The following NAP1L4 variants were observed in gnomAD, a reference collection of about 807,000 sequenced individuals.
NAP1L4 encodes the protein nucleosome assembly protein 1 like 4.
In NAP1L4, 15 loss-of-function variants were observed where a neutral mutation model predicts 58.2. The ratio of observed to expected loss-of-function variants is 0.26; its 90% CI spans 0.17 to 0.40. The LOEUF (loss-of-function observed/expected upper bound fraction) is 0.40, where lower values mean the gene tolerates loss of function less well. Among genes scored for constraint, NAP1L4 ranks in the 10% least tolerant of loss-of-function variants. The pLI is 1.00. For missense variants in NAP1L4, 384 were observed against 451.1 expected (o/e 0.85, Z 1.35); for synonymous variants, 171 against 155.6 (o/e 1.10, Z -0.74).
Position 2,969,911 on chromosome 11 carries a change from G to T in NAP1L4, c.426C>A (p.Val142=). The change falls in exon 7 of 16, where the codon GTC becomes GTA. Residue 142 remains valine (V), a synonymous_variant. Transcript: ENST00000380542. ...CCGTTGCCGCTGCTTTTTCTGTGAC[G>T]ACTACTTTACTTTTCATGTCTCCCT... The part of the protein sequence containing the change: ...KLAGDMKSKV[V]VTEKAAATAE... 6.2e-7 allele frequency: 1 copy of T among 1,613,140 alleles called. No individual in the cohort carries two copies. Among genetic ancestry groups the T allele is most frequent in the South Asian group, 1.1e-5 (1 of 90,854 alleles).
At position 2,958,562 on chromosome 11, in the gene NAP1L4, C is replaced by G; in HGVS notation, c.747-18G>C. On this transcript the variant is annotated intron_variant, in intron 9 of 15. Coordinates refer to ENST00000380542, the MANE Select transcript of NAP1L4 (RefSeq NM_005969.4). ...TAGTACACCTACCAGGACAAGACAG[C>G]TGTCAGGAACACACAATCCATGAGA... The G allele has an allele frequency of 6.2e-7, 1 of 1,608,164 alleles. No homozygotes were observed. The highest frequency in any genetic ancestry group is 8.5e-7 in the Non-Finnish European group (1 of 1,177,686).
At position 2,979,778 on chromosome 11, in the gene NAP1L4, A is replaced by T. The variant is rs1020555008; in HGVS notation, c.-17-541T>A. Among the ~76,000 whole-genome samples, 125 of 152,088 alleles carry T rather than the reference A, an allele frequency of 8.2e-4. 1 individual carries two copies. Among genetic ancestry groups the T allele is most frequent in the Admixed American group, 3.3e-3 (51 of 15,254 alleles). On this transcript the variant is annotated intron_variant, in intron 1 of 15. Transcript: ENST00000380542. ...CAAGAGTGAAACTCCATCTAAAAAA[A>T]AAAATAAAATAAAATAAAATTATCT...
Position 2,972,245 on chromosome 11 carries a change from T to TAAAAAAGGG in NAP1L4, c.174-11_174-3dup. ...CTTCTTTTTACTGCTTTAGGTAAAC[T>TAAAAAAGGG]AAAAAAGGGAGTAAGAAATACAACA... On this transcript the variant is annotated splice_polypyrimidine_tract_variant and splice_region_variant and intron_variant, in intron 4 of 15. Transcript: ENST00000380542. 6.3e-7 allele frequency: 1 copy of TAAAAAAGGG among 1,595,790 alleles called. No individual in the cohort carries two copies. Among genetic ancestry groups the TAAAAAAGGG allele is most frequent in the Non-Finnish European group, 8.5e-7 (1 of 1,174,672 alleles).
Position 2,971,992 on chromosome 11 carries a change from G to C in NAP1L4, c.315+110C>G. On this transcript the variant is annotated intron_variant, in intron 5 of 15. Coordinates refer to ENST00000380542, the MANE Select transcript of NAP1L4 (RefSeq NM_005969.4). This position sits in a 1 kb window ranked among gnomAD's most constrained non-coding sequence, Gnocchi z 4.2. ...GTCTAGACTAAGCTATGTTTGGCAG[G>C]TTAGATGCGTTCTTACCCTAGATGT... 1 of 1,155,642 alleles carries C rather than the reference G, an allele frequency of 8.7e-7. No individual in the cohort carries two copies. Among genetic ancestry groups the C allele is most frequent in the East Asian group, 2.6e-5 (1 of 38,010 alleles). 71.6% of individuals were successfully genotyped at this position (1,155,642 alleles called of 1,614,324 possible). A position where few individuals can be genotyped will look rare whatever the true frequency, so the allele number is the denominator to read the frequency against.
At chr11:2,977,445 C>T (rs1180052578) in intron 3 of NAP1L4, among the ~76,000 whole-genome samples, 1 of 152,146 alleles carries the variant, frequency 6.6e-6, no homozygotes, top group Non-Finnish European at 1.5e-5. Flanking sequence ...AACGACTGGG[C>T]AAATCCAGAC....
chr11:2,954,487 A>G lies in NAP1L4; in HGVS notation c.1035+40T>C. On this transcript the variant is annotated intron_variant, in intron 12 of 15. Coordinates refer to ENST00000380542, the MANE Select transcript of NAP1L4 (RefSeq NM_005969.4). The surrounding 1 kb of genome is among the most constrained non-coding windows in gnomAD (Gnocchi z 4.8). Reference sequence around the variant, plus strand: ...AGGGCCACTCTGCACCAACAGAGATAAGCACCCAGGTGGAAGCCCCCCTTC... The same window carrying G: ...AGGGCCACTCTGCACCAACAGAGATGAGCACCCAGGTGGAAGCCCCCCTTC... 6.2e-7 allele frequency: 1 copy of G among 1,612,746 alleles called. No homozygotes were observed. Among genetic ancestry groups the G allele is most frequent in the Non-Finnish European group, 8.5e-7 (1 of 1,178,902 alleles).
rs550492281 is a variant in NAP1L4, at chr11:2,948,803, T to C, written c.*32+424A>G. On this transcript the variant is annotated intron_variant, in intron 15 of 15. Coordinates refer to ENST00000380542, the MANE Select transcript of NAP1L4 (RefSeq NM_005969.4). The surrounding 1 kb of genome is among the most constrained non-coding windows in gnomAD (Gnocchi z 5.1). ...AGTATAGATATTCAACAGACACGTGTTGGTAATGACAGTGGGCCAATTTCA... is the reference window on the plus strand; with the variant it reads ...AGTATAGATATTCAACAGACACGTGCTGGTAATGACAGTGGGCCAATTTCA... Among the ~76,000 whole-genome samples the C allele has an allele frequency of 4.0e-5, 6 of 149,884 alleles. No individual in the cohort carries two copies. The East Asian group carries it at 7.7e-4, about 19-fold the overall frequency.
chr11:2,958,843 A>G, intron 9 of NAP1L4: 1 of 352,246 alleles, frequency 2.8e-6, no homozygotes, highest in Non-Finnish European at 5.2e-6. Flanking sequence ...AAGCCCCGTC[A>G]AGTCTGCATG....
Position 2,959,913 on chromosome 11 carries a change from A to G in NAP1L4, c.607-4T>C, listed in dbSNP as rs1339856698. 3.1e-6 allele frequency: 5 copies of G among 1,613,862 alleles called. No individual in the cohort carries two copies. Among genetic ancestry groups the G allele is most frequent in the African/African-American group, 2.7e-5 (2 of 74,920 alleles). On this transcript the variant is annotated splice_polypyrimidine_tract_variant and splice_region_variant and intron_variant, in intron 8 of 15. Coordinates refer to ENST00000380542, the MANE Select transcript of NAP1L4 (RefSeq NM_005969.4). This position sits in a 1 kb window ranked among gnomAD's most constrained non-coding sequence, Gnocchi z 4.9. Reference sequence around the variant, plus strand: ...AGTGGAACTCTAACACAAAAGACTAAAAGTAGAAATTCAGAGTAAGCACCA... The same window carrying G: ...AGTGGAACTCTAACACAAAAGACTAGAAGTAGAAATTCAGAGTAAGCACCA...
Position 2,955,798 on chromosome 11 carries a change from T to G in NAP1L4, c.893-32A>C. 1 of 1,605,526 alleles carries G rather than the reference T, an allele frequency of 6.2e-7. No individual in the cohort carries two copies. The highest frequency in any genetic ancestry group is 1.1e-5 in the South Asian group (1 of 90,828). ...AAAGAAAAGACAAAACATATTTAAA[T>G]TACAGTGACAACTCCCAGAATTTTA... On this transcript the variant is annotated intron_variant, in intron 10 of 15. Coordinates refer to ENST00000380542, the MANE Select transcript of NAP1L4 (RefSeq NM_005969.4). The surrounding 1 kb of genome is among the most constrained non-coding windows in gnomAD (Gnocchi z 4.2).
At chr11:2,986,654 T>C (rs1276417922) in intron 1 of NAP1L4, among the ~76,000 whole-genome samples, 1 of 150,306 alleles carries the variant, frequency 6.7e-6, no homozygotes, top group South Asian at 2.1e-4. Context: ...GAGATAGAGT[T>C]TCGCACTTGT....
Position 2,949,760 on chromosome 11 carries a change from G to A in NAP1L4, c.1123-496C>T, listed in dbSNP as rs140903529. Among the ~76,000 whole-genome samples the A allele has an allele frequency of 2.6e-5, 4 of 152,300 alleles. No homozygotes were observed. The highest frequency in any genetic ancestry group is 3.9e-4 in the East Asian group (2 of 5,194). The stretch of plus-strand genomic sequence containing the variant: ...GAATGCTCTTTTAGAAACCTGGGAC[G>A]TGAAAGGAGACTCAAGGTTCTCCAA... On this transcript the variant is annotated intron_variant, in intron 14 of 15. Coordinates refer to ENST00000380542, the MANE Select transcript of NAP1L4 (RefSeq NM_005969.4). This position sits in a 1 kb window ranked among gnomAD's most constrained non-coding sequence, Gnocchi z 4.0.
intron 15 of NAP1L4, among the ~76,000 whole-genome samples, chr11:2,947,280 G>A (rs7113739): frequency 0.084 from 12,847 of 152,136 alleles, 1,789 homozygotes; most frequent in African/African-American, 0.29. Flanking sequence ...TTTCAACCAC[G>A]AGAATGTAGT....
chr11:2,952,029 G>C, intron 12 of NAP1L4: 3 of 612,912 alleles, frequency 4.9e-6, no homozygotes, highest in Non-Finnish European at 5.8e-6. Context: ...ACAAGGAATA[G>C]GATAGGAAGC....
intron 1 of NAP1L4, among the ~76,000 whole-genome samples, chr11:2,979,963 G>A (rs1323413224): frequency 6.6e-6 from 1 of 151,984 alleles, no homozygotes; most frequent in Non-Finnish European, 1.5e-5. Context: ...ATTAACTTAT[G>A]GGATTATTTT....
chr11:2,969,921 C>T lies in NAP1L4; in HGVS notation c.416G>A (p.Ser139Asn), dbSNP rs1252936531. ...EEEKLAGDMK[S>N]KVVVTEKAAA... ...TGCTTTTTCTGTGACGACTACTTTA[C>T]TTTTCATGTCTCCCTAAAAAAAAGA... Residue 139 changes from serine to asparagine, a missense_variant, in exon 7 of 16, where the codon AGT becomes AAT. By Grantham distance (46) the Ser-to-Asn change is conservative (BLOSUM62 1). Coordinates refer to ENST00000380542, the MANE Select transcript of NAP1L4 (RefSeq NM_005969.4). 6.2e-7 allele frequency: 1 copy of T among 1,611,986 alleles called. No homozygotes were observed. Among genetic ancestry groups the T allele is most frequent in the East Asian group, 2.2e-5 (1 of 44,878 alleles).
rs985799477 is a variant in NAP1L4, at chr11:2,955,648, C to G, written c.915+96G>C. ...ATCACTGGCATACCCAGTCCACACA[C>G]AGCCAGGACTGGACTTTTTTTAACA... On this transcript the variant is annotated intron_variant, in intron 11 of 15. Transcript: ENST00000380542. The surrounding 1 kb of genome is among the most constrained non-coding windows in gnomAD (Gnocchi z 4.2). The G allele has an allele frequency of 3.2e-6, 4 of 1,247,622 alleles. No individual in the cohort carries two copies. The African/African-American group carries it at 6.0e-5, about 19-fold the overall frequency. 77.3% of individuals were successfully genotyped at this position (1,247,622 alleles called of 1,614,324 possible).
intron 1 of NAP1L4, among the ~76,000 whole-genome samples, chr11:2,986,848 C>G (rs1053601159): frequency 1.3e-5 from 2 of 151,520 alleles, no homozygotes; most frequent in South Asian, 2.1e-4. Context: ...GACTTGGTCT[C>G]GAACTCCCAA....
Position 2,955,852 on chromosome 11 carries a change from T to C in NAP1L4, c.893-86A>G, listed in dbSNP as rs1846509084. On this transcript the variant is annotated intron_variant, in intron 10 of 15. Coordinates refer to ENST00000380542, the MANE Select transcript of NAP1L4 (RefSeq NM_005969.4). The surrounding 1 kb of genome is among the most constrained non-coding windows in gnomAD (Gnocchi z 4.2). ...CCCACACAGGAGGAAGCTGTGCTGGTAGATAAAATGTAACATTTCTCACCT... is the reference window on the plus strand; with the variant it reads ...CCCACACAGGAGGAAGCTGTGCTGGCAGATAAAATGTAACATTTCTCACCT... 1 of 1,243,134 alleles carries C rather than the reference T, an allele frequency of 8.0e-7. No homozygotes were observed. 77.0% of individuals were successfully genotyped at this position (1,243,134 alleles called of 1,614,324 possible).
Sources: allele counts gnomAD v4.1 joint callset (sites outside exome capture counted in the v4.1 genomes callset), GRCh38; gene constraint gnomAD v4.1.1; non-coding constraint Gnocchi (gnomAD v3.1); transcripts MANE v1.5; gene names NCBI Gene and HGNC (gene_info 2026-07-23, HGNC 2026-07-21).